Variants in IL36RN observed in about 807,000 individuals in gnomAD.
IL36RN encodes interleukin-36 receptor antagonist protein.
In IL36RN, 11 loss-of-function variants were observed where a neutral mutation model predicts 13.0. The ratio of observed to expected loss-of-function variants is 0.85; its 90% CI spans 0.53 to 1.40. The LOEUF (loss-of-function observed/expected upper bound fraction) is 1.40. Among genes scored for constraint, IL36RN ranks in the 40% most tolerant of loss-of-function variants. IL36RN has a pLI of 0.00. For synonymous variants in IL36RN, 94 were observed against 84.1 expected (o/e 1.12, Z -0.64); for missense variants, 195 against 195.3 (o/e 1.00, Z 0.01).
chr2:113,059,410 A>T lies in IL36RN; in HGVS notation c.-27-2A>T, dbSNP rs746598030. 1.2e-6 allele frequency: 2 copies of T among 1,613,674 alleles called. No individual in the cohort carries two copies. The highest frequency in any genetic ancestry group is 1.7e-6 in the Non-Finnish European group (2 of 1,179,802). On this transcript the variant is annotated splice_acceptor_variant, in intron 1 of 4. Coordinates refer to ENST00000393200, the MANE Select transcript of IL36RN (RefSeq NM_012275.3). LOFTEE classifies it low-confidence loss of function (5UTR_SPLICE). Reference sequence around the variant, plus strand: ...GATTTTCTGTTGTTTATTCCAAAATAGGGGAGTCTACACCCTGTGGAGCTC... The same window carrying T: ...GATTTTCTGTTGTTTATTCCAAAATTGGGGAGTCTACACCCTGTGGAGCTC...
Position 113,063,686 on chromosome 2 carries a change from C to T in IL36RN, c.*1009C>T, listed in dbSNP as rs1685690286. 1 of 152,198 alleles carries T rather than the reference C, an allele frequency of 6.6e-6. No individual in the cohort carries two copies. Among genetic ancestry groups the T allele is most frequent in the East Asian group, 1.9e-4 (1 of 5,194 alleles). The allele number at this position is 152,198 out of a possible 1,614,324, so 9.4% of individuals were successfully genotyped here. On this transcript the variant is annotated 3_prime_UTR_variant, in exon 5 of 5. Coordinates refer to ENST00000393200, the MANE Select transcript of IL36RN (RefSeq NM_012275.3). Reference sequence around the variant, plus strand: ...CAGAGTAAATTCAAATTGAATCGAGCTCTGCTGCTCTGGTTGGTTGTAGTA... The same window carrying T: ...CAGAGTAAATTCAAATTGAATCGAGTTCTGCTGCTCTGGTTGGTTGTAGTA...
intron 3 of IL36RN, 93 bp from the exon 4 acceptor site, chr2:113,062,031 C>A: frequency 6.5e-7 from 1 of 1,534,274 alleles, no homozygotes. Context: ...TGGGGGCAGG[C>A]CGTCTTACAG....
Position 113,062,737 on chromosome 2 carries a change from G to A in IL36RN, c.*60G>A. The A allele has an allele frequency of 1.0e-5, 15 of 1,436,744 alleles. No individual in the cohort carries two copies. Among genetic ancestry groups the A allele is most frequent in the Non-Finnish European group, 1.2e-5 (13 of 1,041,168 alleles). 89.0% of individuals were successfully genotyped at this position (1,436,744 alleles called of 1,614,324 possible). A position where few individuals can be genotyped will look rare whatever the true frequency, so the allele number is the denominator to read the frequency against. On this transcript the variant is annotated 3_prime_UTR_variant, in exon 5 of 5. Transcript: ENST00000393200. ...CAGCTCGGGTGAGGGGTGAGTGGAG[G>A]AGACCCATGGCGGACAATCACTCTC... is the stretch of plus-strand genomic sequence containing the variant.
intron 2 of IL36RN, among the ~76,000 whole-genome samples, chr2:113,059,790 G>C (rs910111805): frequency 1.3e-5 from 2 of 152,196 alleles, no homozygotes; most frequent in South Asian, 2.1e-4. Flanking sequence ...CCCCATCACA[G>C]TGAATGGATG....
rs202161658 is a variant in IL36RN at position 113,062,560 on chromosome 2, G to T, written c.351G>T (p.Pro117=). ...LTSSFESAAY[P]GWFLCTVPEA... ...CCAGCTTCGAGTCGGCTGCCTACCC[G>T]GGCTGGTTCCTGTGCACGGTGCCTG... The change falls in exon 5 of 5, where the codon CCG becomes CCT. Residue 117 remains proline (P), a synonymous_variant. Transcript: ENST00000393200. 8 of 1,613,934 alleles carry T rather than the reference G, an allele frequency of 5.0e-6. No homozygotes were observed. Among genetic ancestry groups the T allele is most frequent in the Non-Finnish European group, 5.9e-6 (7 of 1,180,016 alleles).
rs1456664386 is a variant in IL36RN at position 113,059,408 on chromosome 2, A to C, written c.-27-4A>C. The C allele has an allele frequency of 6.2e-7, 1 of 1,613,406 alleles. No individual in the cohort carries two copies. The highest frequency in any genetic ancestry group is 1.1e-5 in the South Asian group (1 of 91,056). Reference sequence around the variant, plus strand: ...ATGATTTTCTGTTGTTTATTCCAAAATAGGGGAGTCTACACCCTGTGGAGC... The same window carrying C: ...ATGATTTTCTGTTGTTTATTCCAAACTAGGGGAGTCTACACCCTGTGGAGC... On this transcript the variant is annotated splice_polypyrimidine_tract_variant and splice_region_variant and intron_variant, in intron 1 of 4. Transcript: ENST00000393200.
chr2:113,062,227 G>A lies in IL36RN; in HGVS notation c.219G>A (p.Gly73=). The A allele has an allele frequency of 6.2e-7, 1 of 1,614,096 alleles. No homozygotes were observed. The highest frequency in any genetic ancestry group is 1.3e-5 in the African/African-American group (1 of 75,046). The change falls in exon 4 of 5, where the codon GGG becomes GGA. Residue 73 remains glycine (G), a synonymous_variant. Transcript: ENST00000393200. ...GGSQCLSCGV[G]QEPTLTLEPV... ...GCCAGTGCCTGTCATGTGGGGTGGG[G>A]CAGGAGCCGACTCTAACACTAGAGG...
intron 4 of IL36RN, 23 bp downstream of exon 4, chr2:113,062,274 T>C (rs1685657906): frequency 1.2e-6 from 2 of 1,613,504 alleles, no homozygotes; most frequent in South Asian, 2.2e-5. Context: ...GCATCCTCAC[T>C]GGGGACTCAG....
rs3180234 is a variant in IL36RN, at chr2:113,063,078, A to C, written c.*401A>C. 2,072 of 342,564 alleles carry C rather than the reference A, an allele frequency of 6.0e-3. 43 individuals are homozygous for C. The highest frequency in any genetic ancestry group is 0.041 in the African/African-American group (1,927 of 46,732). 21.2% of individuals were successfully genotyped at this position (342,564 alleles called of 1,614,324 possible). A position where few individuals can be genotyped will look rare whatever the true frequency, so the allele number is the denominator to read the frequency against. ...AGGGTCAGTAGCTCTCCACATGAAG[A>C]CCTGTCACTCACCACTATGCAGGAG... is the stretch of plus-strand genomic sequence containing the variant. On this transcript the variant is annotated 3_prime_UTR_variant, in exon 5 of 5. Transcript: ENST00000393200.
At position 113,063,137 on chromosome 2, in the gene IL36RN, C is replaced by A; in HGVS notation, c.*460C>A. 1 of 252,110 alleles carries A rather than the reference C, an allele frequency of 4.0e-6. No homozygotes were observed. The allele number at this position is 252,110 out of a possible 1,614,324, so 15.6% of individuals were successfully genotyped here. On this transcript the variant is annotated 3_prime_UTR_variant, in exon 5 of 5. Transcript: ENST00000393200. The stretch of plus-strand genomic sequence containing the variant: ...GGTCATAGAGTCAGGGATCTATGGC[C>A]CTTGGCCCAGCCCCACCTCCTTCCC...
rs1396795182 is a variant in IL36RN at position 113,063,046 on chromosome 2, G to C, written c.*369G>C. On this transcript the variant is annotated 3_prime_UTR_variant, in exon 5 of 5. Transcript: ENST00000393200. Reference sequence around the variant, plus strand: ...CGCAGGCCAACCCATCCCCAGTTGAGCCTTATAGGGTCAGTAGCTCTCCAC... The same window carrying C: ...CGCAGGCCAACCCATCCCCAGTTGACCCTTATAGGGTCAGTAGCTCTCCAC... 2 of 362,654 alleles carry C rather than the reference G, an allele frequency of 5.5e-6. No individual in the cohort carries two copies. Among genetic ancestry groups the C allele is most frequent in the Non-Finnish European group, 1.1e-5 (2 of 186,136 alleles). The allele number at this position is 362,654 out of a possible 1,614,324, so 22.5% of individuals were successfully genotyped here.
chr2:113,062,029 G>C, intron 3 of IL36RN, 95 bp from the exon 4 acceptor site: 1 of 1,533,512 alleles, frequency 6.5e-7, no homozygotes, highest in Non-Finnish European at 8.8e-7. Flanking sequence ...CCTGGGGGCA[G>C]GCCGTCTTAC....
At position 113,063,808 on chromosome 2, in the gene IL36RN, A is replaced by G. The variant is rs1685692086; in HGVS notation, c.*1131A>G. 6.6e-6 allele frequency: 1 copy of G among 152,212 alleles called. No individual in the cohort carries two copies. The allele number at this position is 152,212 out of a possible 1,614,324, so 9.4% of individuals were successfully genotyped here. On this transcript the variant is annotated 3_prime_UTR_variant, in exon 5 of 5. Coordinates refer to ENST00000393200, the MANE Select transcript of IL36RN (RefSeq NM_012275.3). Reference sequence around the variant, plus strand: ...TGGGTAAGGAACTTAAAGAACAAAAATCATCTGGTAATTCTTTCCTAGAAG... The same window carrying G: ...TGGGTAAGGAACTTAAAGAACAAAAGTCATCTGGTAATTCTTTCCTAGAAG...
At position 113,062,936 on chromosome 2, in the gene IL36RN, T is replaced by G; in HGVS notation, c.*259T>G. ...CATGTGGGGTAAACTGGGAATAACA[T>G]GAAAAGATTTCTGTGGAGGTGGGGT... On this transcript the variant is annotated 3_prime_UTR_variant, in exon 5 of 5. Transcript: ENST00000393200. 2.0e-6 allele frequency: 1 copy of G among 508,892 alleles called. No individual in the cohort carries two copies. The highest frequency in any genetic ancestry group is 3.6e-6 in the Non-Finnish European group (1 of 279,682). The allele number at this position is 508,892 out of a possible 1,614,324, so 31.5% of individuals were successfully genotyped here.
rs1685626921 is a variant in IL36RN, at chr2:113,060,834, C to A, written c.30-18C>A. ...ACCCTCCTCCTAATGTAGTCCTCACCCCTTCCTGATGTTTCAGAATGAAGG... is the reference window on the plus strand; with the variant it reads ...ACCCTCCTCCTAATGTAGTCCTCACACCTTCCTGATGTTTCAGAATGAAGG... On this transcript the variant is annotated intron_variant, in intron 2 of 4. Transcript: ENST00000393200. The A allele has an allele frequency of 6.3e-7, 1 of 1,594,204 alleles. No individual in the cohort carries two copies.
chr2:113,059,772 C>T (rs1018935576), intron 2 of IL36RN, among the ~76,000 whole-genome samples: 4 of 152,164 alleles, frequency 2.6e-5, no homozygotes, highest in African/African-American at 9.7e-5. Context: ...CAGAGCTCCG[C>T]CATTGTCCCC....
Position 113,062,804 on chromosome 2 carries a change from A to C in IL36RN, c.*127A>C. 3.6e-6 allele frequency: 3 copies of C among 829,690 alleles called. No homozygotes were observed. The highest frequency in any genetic ancestry group is 5.9e-6 in the Non-Finnish European group (3 of 504,876). 51.4% of individuals were successfully genotyped at this position (829,690 alleles called of 1,614,324 possible). A position where few individuals can be genotyped will look rare whatever the true frequency, so the allele number is the denominator to read the frequency against. On this transcript the variant is annotated 3_prime_UTR_variant, in exon 5 of 5. Coordinates refer to ENST00000393200, the MANE Select transcript of IL36RN (RefSeq NM_012275.3). Reference sequence around the variant, plus strand: ...CCACGTCTGACTTAGTGGGCACCTGACCACTTTGTCTTCTGGTTCCCAGTT... The same window carrying C: ...CCACGTCTGACTTAGTGGGCACCTGCCCACTTTGTCTTCTGGTTCCCAGTT...
intron 3 of IL36RN, among the ~76,000 whole-genome samples, chr2:113,061,643 T>A (rs918588279): frequency 6.6e-6 from 1 of 152,138 alleles, no homozygotes; most frequent in African/African-American, 2.4e-5. Context: ...TATGAGCATG[T>A]GTGTGTATAT....
chr2:113,062,065 G>A (rs1310729557), intron 3 of IL36RN, 59 bp from the exon 4 acceptor site: 33 of 1,594,568 alleles, frequency 2.1e-5, no homozygotes, highest in Non-Finnish European at 2.7e-5. Flanking sequence ...TAGAGCCCAG[G>A]ACAGGGGAAG....
Sources: gnomAD v4.1 joint callset for allele counts (sites outside exome capture counted in the v4.1 genomes callset) on GRCh38, gnomAD v4.1.1 for gene constraint, MANE v1.5 for transcripts, NCBI Gene and HGNC (gene_info 2026-07-23, HGNC 2026-07-21) for gene names.